Variants in ZMIZ1 observed in about 807,000 individuals in gnomAD.
ZMIZ1 encodes the protein zinc finger MIZ domain-containing protein 1.
A neutral mutation model predicts 113.9 loss-of-function variants in ZMIZ1; 17 were observed. That is an observed-to-expected ratio of 0.15 (90% CI 0.10 to 0.22). The LOEUF is 0.22. Among genes scored for constraint, ZMIZ1 ranks in the 10% least tolerant of loss-of-function variants. ZMIZ1 has a pLI of 1.00. For missense variants in ZMIZ1, 1,059 were observed against 1,477.8 expected (o/e 0.72, Z 4.65); for synonymous variants, 607 against 603.1 (o/e 1.01, Z -0.09).
chr10:79,157,180 C>T (rs1343184777), intron 3 of ZMIZ1, among the ~76,000 whole-genome samples: 1 of 152,160 alleles, frequency 6.6e-6, no homozygotes, highest in Non-Finnish European at 1.5e-5. Context: ...GTGGCCTTTG[C>T]TCTCTGCTGA....
intron 7 of ZMIZ1, among the ~76,000 whole-genome samples, chr10:79,273,922 G>T (rs1254261339): frequency 6.6e-6 from 1 of 152,260 alleles, no homozygotes; most frequent in Non-Finnish European, 1.5e-5. Flanking sequence ...CCGTCTGTGG[G>T]AGAGAGGCAG....
At chr10:79,129,722 G>A (rs1844668871) in intron 2 of ZMIZ1, among the ~76,000 whole-genome samples, 1 of 152,216 alleles carries the variant, frequency 6.6e-6, no homozygotes, top group African/African-American at 2.4e-5. Context: ...CCAGCTTTCT[G>A]GAGACGTTCA....
chr10:79,305,283 G>T, intron 20 of ZMIZ1, 52 bp downstream of exon 20: 1 of 1,598,128 alleles, frequency 6.3e-7, no homozygotes, highest in South Asian at 1.1e-5. Context: ...AACCACAGAC[G>T]GGAGGGGCCA....
intron 7 of ZMIZ1, among the ~76,000 whole-genome samples, chr10:79,259,066 G>A (rs755362056): frequency 5.2e-4 from 79 of 152,202 alleles, no homozygotes; most frequent in Non-Finnish European, 9.7e-4. Flanking sequence ...CCAGCCGCCC[G>A]TATTAGTTTA....
intron 1 of ZMIZ1, among the ~76,000 whole-genome samples, chr10:79,085,497 C>T (rs947139139): frequency 4.6e-5 from 7 of 152,354 alleles, no homozygotes; most frequent in Admixed American, 3.3e-4. Flanking sequence ...CTGGCCTGCA[C>T]CAGACCCAGA....
rs2132033341 is a variant in ZMIZ1 at position 79,292,359 on chromosome 10, A to G, written c.957+3A>G. 1 of 1,602,878 alleles carries G rather than the reference A, an allele frequency of 6.2e-7. No homozygotes were observed. Among genetic ancestry groups the G allele is most frequent in the Non-Finnish European group, 8.5e-7 (1 of 1,171,426 alleles). On this transcript the variant is annotated splice_donor_region_variant and intron_variant, in intron 11 of 24. Coordinates refer to ENST00000334512, the MANE Select transcript of ZMIZ1 (RefSeq NM_020338.4). The stretch of plus-strand genomic sequence containing the variant: ...AGGATATAAACCAGTATGGACCGGT[A>G]AGGGTTCCCACTAATCCTGGTCCAG...
chr10:79,087,936 A>G (rs931572837), intron 1 of ZMIZ1, among the ~76,000 whole-genome samples: 2 of 152,198 alleles, frequency 1.3e-5, no homozygotes, highest in African/African-American at 4.8e-5. Flanking sequence ...CTACCTTTAG[A>G]ATACCACAGC....
chr10:79,258,656 T>C (rs1415024767), intron 7 of ZMIZ1, among the ~76,000 whole-genome samples: 3 of 152,266 alleles, frequency 2.0e-5, no homozygotes, highest in African/African-American at 7.2e-5. Context: ...GACATAAACC[T>C]GTGCCCATCA....
chr10:79,104,950 GGTGTGTGTGTGTGT>G (rs58453718), intron 1 of ZMIZ1, among the ~76,000 whole-genome samples: 25 of 140,186 alleles, frequency 1.8e-4, no homozygotes, highest in African/African-American at 4.0e-4. Context: ...GTTGTTGTGG[GGTGTGTGTGTGTGT>G]GTGTGTGTGT....
chr10:79,148,719 A>G (rs1006698035), intron 3 of ZMIZ1, among the ~76,000 whole-genome samples: 1 of 152,200 alleles, frequency 6.6e-6, no homozygotes, highest in East Asian at 1.9e-4. Context: ...CTCAGCTTGC[A>G]TATCTCTGGG....
rs760757653 is a variant in ZMIZ1, at chr10:79,216,213, C to T, written c.219C>T (p.Leu73=). Residue 73 remains leucine (L), a synonymous_variant, in exon 7 of 25, where the codon CTC becomes CTT. Transcript: ENST00000334512. ...VAAQQGFDLD[L]GYRLLAVCAA... ...CCCAGCAAGGCTTTGACCTGGACCT[C>T]GGCTACAGACTGCTGGCTGTGTGTG... is the stretch of plus-strand genomic sequence containing the variant. 7 of 1,567,194 alleles carry T rather than the reference C, an allele frequency of 4.5e-6. No homozygotes were observed. Among genetic ancestry groups the T allele is most frequent in the Admixed American group, 3.7e-5 (2 of 54,384 alleles).
chr10:79,073,683 G>A (rs1053661151), intron 1 of ZMIZ1, among the ~76,000 whole-genome samples: 13 of 152,004 alleles, frequency 8.6e-5, no homozygotes, highest in Non-Finnish European at 1.9e-4. Context: ...AGCCCTTATT[G>A]GGAATGACCT....
intron 7 of ZMIZ1, among the ~76,000 whole-genome samples, chr10:79,223,507 C>T (rs1849076674): frequency 1.3e-5 from 2 of 152,232 alleles, no homozygotes; most frequent in East Asian, 3.9e-4. Context: ...GGTGCCCCTA[C>T]AAGGGGCTCT....
At chr10:79,086,315 TCTC>T (rs1345188044) in intron 1 of ZMIZ1, among the ~76,000 whole-genome samples, 1 of 152,058 alleles carries the variant, frequency 6.6e-6, no homozygotes, top group African/African-American at 2.4e-5. Flanking sequence ...CCCTCAGCCT[TCTC>T]CTCCTCCCGG....
chr10:79,290,856 C>A, intron 9 of ZMIZ1, 103 bp from the exon 10 acceptor site: 2 of 1,334,042 alleles, frequency 1.5e-6, no homozygotes, highest in African/African-American at 1.4e-5. Flanking sequence ...TGTTGTCCTG[C>A]CTCCACTTTG....
rs1254052993 is a variant in ZMIZ1 at position 79,300,715 on chromosome 10, C to T, written c.1809-17C>T. ...CCCCTGGCAGAGCTGCCCTGAGCACCCTCGTTCCCCACCTAGGTCTGACCT... is the reference window on the plus strand; with the variant it reads ...CCCCTGGCAGAGCTGCCCTGAGCACTCTCGTTCCCCACCTAGGTCTGACCT... On this transcript the variant is annotated splice_polypyrimidine_tract_variant and intron_variant, in intron 16 of 24. Transcript: ENST00000334512. The T allele has an allele frequency of 1.2e-6, 2 of 1,611,792 alleles. No individual in the cohort carries two copies. The highest frequency in any genetic ancestry group is 1.7e-6 in the Non-Finnish European group (2 of 1,179,678).
At chr10:79,136,379 G>T (rs954371430) in intron 2 of ZMIZ1, among the ~76,000 whole-genome samples, 8 of 152,252 alleles carry the variant, frequency 5.3e-5, no homozygotes, top group African/African-American at 1.9e-4. Flanking sequence ...CCCCAGCCCT[G>T]CCTTGGGCAG....
chr10:79,199,147 G>A (rs1360130506), intron 4 of ZMIZ1, among the ~76,000 whole-genome samples: 3 of 152,120 alleles, frequency 2.0e-5, no homozygotes, highest in Admixed American at 1.3e-4. Flanking sequence ...CACCTGGCAG[G>A]GGGCGATGGG....
chr10:79,093,582 C>T (rs1453411176), intron 1 of ZMIZ1, among the ~76,000 whole-genome samples: 1 of 152,144 alleles, frequency 6.6e-6, no homozygotes. Context: ...CCACTTTGGC[C>T]TCCCAAAGTG....
Sources: gnomAD v4.1 joint callset for allele counts (sites outside exome capture counted in the v4.1 genomes callset) on GRCh38, gnomAD v4.1.1 for gene constraint, MANE v1.5 for transcripts, NCBI Gene and HGNC (gene_info 2026-07-23, HGNC 2026-07-21) for gene names.